The following UBE2H variants were observed in gnomAD, a reference collection of about 807,000 sequenced individuals.
UBE2H encodes the protein ubiquitin conjugating enzyme E2 H.
A neutral mutation model predicts 29.0 loss-of-function variants in UBE2H; 3 were observed. That is an observed-to-expected ratio of 0.10 (90% CI 0.05 to 0.27). UBE2H has a LOEUF of 0.27. UBE2H is among the 10% of genes least tolerant of loss of function. The pLI, the probability that UBE2H is intolerant of heterozygous loss-of-function variation, is 1.00. For missense variants in UBE2H, 68 were observed against 228.2 expected (o/e 0.30, Z 4.52); for synonymous variants, 69 against 82.9 (o/e 0.83, Z 0.91).
At chr7:129,915,061 A>C (rs1394532645) in intron 1 of UBE2H, among the ~76,000 whole-genome samples, 1 of 152,162 alleles carries the variant, frequency 6.6e-6, no homozygotes, top group African/African-American at 2.4e-5. Flanking sequence ...CCAAATGACA[A>C]CTTCCAACTT....
chr7:129,859,933 G>T (rs748412653), intron 3 of UBE2H, among the ~76,000 whole-genome samples: 1 of 151,880 alleles, frequency 6.6e-6, no homozygotes, highest in Non-Finnish European at 1.5e-5. Flanking sequence ...CACCTACACC[G>T]CAGGCATTGT....
chr7:129,849,662 G>A (rs1378216779), intron 5 of UBE2H, among the ~76,000 whole-genome samples: 1 of 152,122 alleles, frequency 6.6e-6, no homozygotes, highest in Non-Finnish European at 1.5e-5. Context: ...TGTTTTGAGG[G>A]CACACAGGTG....
chr7:129,862,810 TG>T (rs895010851), intron 3 of UBE2H, among the ~76,000 whole-genome samples: 72 of 152,102 alleles, frequency 4.7e-4, no homozygotes, highest in Non-Finnish European at 7.1e-4. Context: ...TCAAGGGAGA[TG>T]GGGGGGCCAC....
At chr7:129,911,388 A>C (rs943727232) in intron 1 of UBE2H, among the ~76,000 whole-genome samples, 1 of 151,778 alleles carries the variant, frequency 6.6e-6, no homozygotes, top group African/African-American at 2.4e-5. Flanking sequence ...AAAAAAAAAA[A>C]ATGAGGACAG....
chr7:129,939,718 G>A (rs1807602532), intron 1 of UBE2H, among the ~76,000 whole-genome samples: 1 of 152,146 alleles, frequency 6.6e-6, no homozygotes, highest in African/African-American at 2.4e-5. Flanking sequence ...CCAGCACTTT[G>A]GGAGGCCAAA....
chr7:129,919,855 G>C (rs945619722), intron 1 of UBE2H, among the ~76,000 whole-genome samples: 2 of 152,118 alleles, frequency 1.3e-5, no homozygotes, highest in African/African-American at 4.8e-5. Context: ...GAAAACACTG[G>C]GATACCATTT....
chr7:129,830,813 A>G lies in UBE2H; in HGVS notation c.*4124T>C, dbSNP rs887562843. ...ACTATTAAGAGGTTATAGTCAGAGG[A>G]GGCATGTGTCCTGTTGACAGACGTG... On this transcript the variant is annotated 3_prime_UTR_variant, in exon 7 of 7. Coordinates refer to ENST00000355621, the MANE Select transcript of UBE2H (RefSeq NM_003344.4). 1.4e-5 allele frequency: 2 copies of G among 144,566 alleles called. No individual in the cohort carries two copies. Among genetic ancestry groups the G allele is most frequent in the Non-Finnish European group, 3.0e-5 (2 of 66,194 alleles). The allele number at this position is 144,566 out of a possible 1,614,324, so 9.0% of individuals were successfully genotyped here. A position where few individuals can be genotyped will look rare whatever the true frequency, so the allele number is the denominator to read the frequency against.
intron 1 of UBE2H, among the ~76,000 whole-genome samples, chr7:129,928,799 CATATAT>C (rs1474654951): frequency 1.3e-5 from 2 of 151,436 alleles, no homozygotes; most frequent in African/African-American, 2.4e-5. Context: ...TATATATATA[CATATAT>C]AAAGAGGAGA....
chr7:129,895,475 T>C (rs1337658511), intron 1 of UBE2H, among the ~76,000 whole-genome samples: 1 of 152,172 alleles, frequency 6.6e-6, no homozygotes, highest in African/African-American at 2.4e-5. Flanking sequence ...TTCCAAGTCA[T>C]AGGCAACATA....
chr7:129,861,494 T>C (rs980573030), intron 3 of UBE2H, among the ~76,000 whole-genome samples: 3 of 152,174 alleles, frequency 2.0e-5, no homozygotes, highest in African/African-American at 7.2e-5. Context: ...GTTGTCATGT[T>C]TGCAAGATTC....
At chr7:129,876,171 C>T (rs923780182) in intron 3 of UBE2H, among the ~76,000 whole-genome samples, 8 of 152,112 alleles carry the variant, frequency 5.3e-5, no homozygotes, top group African/African-American at 1.4e-4. Flanking sequence ...CCAGGTACCC[C>T]GAGTTTTAAT....
chr7:129,936,169 A>G (rs1807523391), intron 1 of UBE2H, among the ~76,000 whole-genome samples: 1 of 152,250 alleles, frequency 6.6e-6, no homozygotes, highest in Admixed American at 6.5e-5. Flanking sequence ...CACTTTAAGA[A>G]TGACATTTAA....
At chr7:129,903,709 C>G (rs1011737409) in intron 1 of UBE2H, among the ~76,000 whole-genome samples, 1 of 151,984 alleles carries the variant, frequency 6.6e-6, no homozygotes, top group Admixed American at 6.6e-5. Context: ...GACTAGCCTA[C>G]GCAACAAAGC....
chr7:129,885,835 C>T (rs571193167), intron 1 of UBE2H, among the ~76,000 whole-genome samples: 1 of 152,128 alleles, frequency 6.6e-6, no homozygotes, highest in African/African-American at 2.4e-5. Flanking sequence ...TAAAAATAAG[C>T]CATTCCATCA....
intron 5 of UBE2H, among the ~76,000 whole-genome samples, chr7:129,848,836 C>CAT (rs559011213): frequency 7.8e-6 from 1 of 128,748 alleles, no homozygotes; most frequent in South Asian, 2.4e-4. Context: ...AACCAGGTAG[C>CAT]TTTTTTTTTT....
In UBE2H at chr7:129,892,776, T is replaced by C. The variant is rs554301353; in HGVS notation, c.54-11805A>G. Among the ~76,000 whole-genome samples, 3 of 152,306 alleles carry C rather than the reference T, an allele frequency of 2.0e-5. 1 individual carries two copies. In the South Asian group the frequency reaches 6.2e-4, roughly 32 times the overall value. On this transcript the variant is annotated intron_variant, in intron 1 of 6. Transcript: ENST00000355621. ...TGTTTGGGAGATGACACTGGGCTAC[T>C]ATCCTTTAAAATGTATCTATAGTAG...
At chr7:129,900,800 G>T (rs1411434382) in intron 1 of UBE2H, among the ~76,000 whole-genome samples, 2 of 149,468 alleles carry the variant, frequency 1.3e-5, no homozygotes, top group East Asian at 3.9e-4. Flanking sequence ...ACCCAGGCTG[G>T]AGTGCAGTGG....
intron 1 of UBE2H, among the ~76,000 whole-genome samples, chr7:129,900,720 T>A (rs1298265452): frequency 2.0e-5 from 3 of 151,890 alleles, no homozygotes; most frequent in Non-Finnish European, 4.4e-5. Context: ...TTCTGAGCCA[T>A]ATAGCATCGT....
At chr7:129,877,056 T>G (rs1806158450) in intron 3 of UBE2H, among the ~76,000 whole-genome samples, 1 of 152,204 alleles carries the variant, frequency 6.6e-6, no homozygotes, top group Non-Finnish European at 1.5e-5. Flanking sequence ...TTATGAGACA[T>G]TTTGATTTTT....
Sources: allele counts gnomAD v4.1 joint callset (sites outside exome capture counted in the v4.1 genomes callset), GRCh38; gene constraint gnomAD v4.1.1; transcripts MANE v1.5; gene names NCBI Gene and HGNC (gene_info 2026-07-23, HGNC 2026-07-21).